Variants in EPG5 observed in about 807,000 individuals in gnomAD.
EPG5 encodes ectopic P-granules 5 autophagy tethering factor.
A neutral mutation model predicts 302.7 loss-of-function variants in EPG5; 159 were observed. That is an observed-to-expected ratio of 0.53 (90% CI 0.46 to 0.60). The LOEUF is 0.60. Among genes scored for constraint, EPG5 ranks in the 20% least tolerant of loss-of-function variants. EPG5 has a pLI of 0.00. For synonymous variants in EPG5, 1,158 were observed against 1,136.8 expected, an observed-to-expected ratio of 1.02 and a Z score of -0.37; for missense variants, 2,896 against 3,092.4, an observed-to-expected ratio of 0.94 and a Z score of 1.51.
chr18:45,916,692 AC>A (rs1293053868), intron 17 of EPG5, 110 bp from the exon 18 acceptor site: 1 of 1,165,580 alleles, frequency 8.6e-7, no homozygotes. Flanking sequence ...CCATTTTTCG[AC>A]CAAAGCACTA....
chr18:45,899,674 C>G, intron 26 of EPG5, 108 bp from the exon 27 acceptor site: 1 of 1,139,566 alleles, frequency 8.8e-7, no homozygotes, highest in Non-Finnish European at 1.2e-6. Context: ...GCAAAAGACA[C>G]ATAAACCATA....
intron 23 of EPG5, among the ~76,000 whole-genome samples, chr18:45,910,119 G>A (rs923939619): frequency 2.6e-5 from 4 of 152,048 alleles, no homozygotes; most frequent in Non-Finnish European, 5.9e-5. Flanking sequence ...CCAAGTAGCT[G>A]GGACCACAGG....
At chr18:45,965,326 T>TA (rs1403533831) in intron 1 of EPG5, among the ~76,000 whole-genome samples, 2 of 151,928 alleles carry the variant, frequency 1.3e-5, no homozygotes, top group Non-Finnish European at 2.9e-5. Context: ...AAGGGAAGGA[T>TA]AAAAAAACCA....
In EPG5 at chr18:45,916,552, G is replaced by A; in HGVS notation, c.3270C>T (p.His1090=). The A allele has an allele frequency of 6.2e-7, 1 of 1,608,920 alleles. No individual in the cohort carries two copies. Among genetic ancestry groups the A allele is most frequent in the Non-Finnish European group, 8.5e-7 (1 of 1,175,728 alleles). The change falls in exon 18 of 44, where the codon CAC becomes CAT. Residue 1090 remains histidine (H), a synonymous_variant. Coordinates refer to ENST00000282041, the MANE Select transcript of EPG5 (RefSeq NM_020964.3). ...QFLSHLLLFL[H]LDSGVPQGVT... ...CACCCTGAGGGACACCGCTGTCCAA[G>A]TGTAGGAACAAGAGGAGATGCGATA...
intron 25 of EPG5, among the ~76,000 whole-genome samples, chr18:45,902,446 A>T (rs1257607030): frequency 2.6e-5 from 4 of 152,232 alleles, no homozygotes; most frequent in African/African-American, 9.6e-5. Flanking sequence ...TTTCAAACCC[A>T]ATATAAGTTA....
chr18:45,860,687 A>G (rs907942214), intron 39 of EPG5, among the ~76,000 whole-genome samples: 1 of 152,222 alleles, frequency 6.6e-6, no homozygotes, highest in Non-Finnish European at 1.5e-5. Flanking sequence ...ACCTTTGCTC[A>G]TGGAAAACCA....
chr18:45,911,462 A>AT (rs879786259), intron 22 of EPG5, among the ~76,000 whole-genome samples: 5,194 of 143,960 alleles, frequency 0.036, 247 homozygotes, highest in African/African-American at 0.12. Context: ...ATTTTTTTGT[A>AT]TTTTTTTTTT....
intron 16 of EPG5, among the ~76,000 whole-genome samples, chr18:45,921,819 G>T (rs1478598213): frequency 6.6e-6 from 1 of 152,084 alleles, no homozygotes; most frequent in African/African-American, 2.4e-5. Flanking sequence ...TCATGGGGTG[G>T]GGGGCTGGGT....
rs982979789 is a variant in EPG5 at position 45,855,568 on chromosome 18, C to G, written c.7557+5G>C. The stretch of plus-strand genomic sequence containing the variant: ...AACTTCTAACCCTTCATTGTATATA[C>G]TGACCTGCTGAGCTTTGGGGGTCAG... On this transcript the variant is annotated splice_donor_5th_base_variant and intron_variant, in intron 43 of 43. Coordinates refer to ENST00000282041, the MANE Select transcript of EPG5 (RefSeq NM_020964.3). The G allele has an allele frequency of 1.3e-5, 21 of 1,611,172 alleles. No homozygotes were observed. Among genetic ancestry groups the G allele is most frequent in the Non-Finnish European group, 1.7e-5 (20 of 1,177,512 alleles).
intron 37 of EPG5, among the ~76,000 whole-genome samples, chr18:45,867,345 T>A (rs2048768227): frequency 6.6e-6 from 1 of 152,208 alleles, no homozygotes; most frequent in Non-Finnish European, 1.5e-5. Flanking sequence ...TAAAGTTGAT[T>A]AATACATTCT....
At chr18:45,905,998 TA>T (rs1568140114) in intron 24 of EPG5, among the ~76,000 whole-genome samples, 1 of 152,218 alleles carries the variant, frequency 6.6e-6, no homozygotes, top group Non-Finnish European at 1.5e-5. Context: ...CTCTGTGCGT[TA>T]AATGCTGTTA....
chr18:45,906,617 C>T (rs2145630962), intron 24 of EPG5, among the ~76,000 whole-genome samples: 1 of 152,210 alleles, frequency 6.6e-6, no homozygotes, highest in Non-Finnish European at 1.5e-5. Context: ...GGCTATTCCC[C>T]TATGTTTCCA....
chr18:45,834,640 T>C, the EPG5 span, among the ~76,000 whole-genome samples: 1 of 152,368 alleles, frequency 6.6e-6, no homozygotes, highest in Admixed American at 6.5e-5. Context: ...CAAATCTGTC[T>C]CCTTTTCTAA....
Position 45,901,008 on chromosome 18 carries a change from T to G in EPG5, c.4634A>C (p.Gln1545Pro). ...TGCATGGTCTTACCTGGCCTGCTGT[T>G]GCAACAGATTCAGGTCTGTGCACAC... ...QLVCTDLNLL[Q>P]QQARTAALRE... is the part of the protein sequence containing the mutation. Residue 1545 changes from glutamine to proline, a missense_variant, in exon 26 of 44, where the codon CAA (glutamine) becomes CCA (proline). Coordinates refer to ENST00000282041, the MANE Select transcript of EPG5 (RefSeq NM_020964.3). The G allele has an allele frequency of 6.2e-7, 1 of 1,613,454 alleles. No homozygotes were observed. Among genetic ancestry groups the G allele is most frequent in the Non-Finnish European group, 8.5e-7 (1 of 1,179,484 alleles).
chr18:45,881,400 T>C lies in EPG5; in HGVS notation c.5518+874A>G, dbSNP rs145637279. Among the ~76,000 whole-genome samples the C allele has an allele frequency of 5.2e-3, 794 of 152,302 alleles. 4 individuals carry two copies. Among genetic ancestry groups the C allele is most frequent in the African/African-American group, 0.018 (764 of 41,570 alleles). Reference sequence around the variant, plus strand: ...TTCTCCACCCACCCTGCAACCTGCCTCTGTGGGAAACAATTAAAGCTTGAA... The same window carrying C: ...TTCTCCACCCACCCTGCAACCTGCCCCTGTGGGAAACAATTAAAGCTTGAA... On this transcript the variant is annotated intron_variant, in intron 31 of 43. Coordinates refer to ENST00000282041, the MANE Select transcript of EPG5 (RefSeq NM_020964.3).
chr18:45,923,972 G>A (rs373036820), intron 14 of EPG5, among the ~76,000 whole-genome samples: 7 of 150,816 alleles, frequency 4.6e-5, no homozygotes, highest in African/African-American at 1.5e-4. Flanking sequence ...AGGTTGCAGT[G>A]AGCCAAATCG....
intron 16 of EPG5, among the ~76,000 whole-genome samples, chr18:45,921,223 G>A (rs934200190): frequency 3.3e-5 from 5 of 152,248 alleles, no homozygotes; most frequent in African/African-American, 9.6e-5. Context: ...ATAGCACAAC[G>A]CTGAAGACTA....
At chr18:45,817,328 T>C in the EPG5 span, among the ~76,000 whole-genome samples, 2 of 152,242 alleles carry the variant, frequency 1.3e-5, no homozygotes. Flanking sequence ...CTTTCCTTTT[T>C]TAGAAAAATT....
chr18:45,915,799 A>C (rs1469322362), intron 19 of EPG5, among the ~76,000 whole-genome samples, 178 bp from the exon 20 acceptor site: 1 of 152,230 alleles, frequency 6.6e-6, no homozygotes, highest in Non-Finnish European at 1.5e-5. Context: ...CAAATGTAAC[A>C]AGCGGGACTC....
Sources: allele counts gnomAD v4.1 joint callset (sites outside exome capture counted in the v4.1 genomes callset), GRCh38; gene constraint gnomAD v4.1.1; transcripts MANE v1.5; gene names NCBI Gene and HGNC (gene_info 2026-07-23, HGNC 2026-07-21).